The following CNOT2 variants were observed in gnomAD, a reference collection of about 807,000 sequenced individuals.
The protein encoded by CNOT2 is CCR4-NOT transcription complex subunit 2.
In CNOT2, 7 loss-of-function variants were observed where a neutral mutation model predicts 72.1. The observed-to-expected ratio is 0.10, with a 90% CI of 0.06 to 0.18. The LOEUF is 0.18. Among genes scored for constraint, CNOT2 ranks in the 10% least tolerant of loss-of-function variants. The pLI, the probability that CNOT2 is intolerant of heterozygous loss-of-function variation, is 1.00. For missense variants in CNOT2, 345 were observed against 660.3 expected (o/e 0.52, Z 5.23); for synonymous variants, 196 against 225.6 (o/e 0.87, Z 1.17).
chr12:70,352,255 G>GT (rs376559197), intron 15 of CNOT2, among the ~76,000 whole-genome samples: 152,324 of 152,332 alleles, frequency 1, 76,158 homozygotes, highest in Middle Eastern at 1. Context: ...GCCGCTTACT[G>GT]ATGACTTGTC....
chr12:70,338,132 A>T, intron 9 of CNOT2: 1 of 237,362 alleles, frequency 4.2e-6, no homozygotes, highest in Non-Finnish European at 8.1e-6. Context: ...GTGTAACTTC[A>T]AGTGTATCCC....
chr12:70,323,656 C>T (rs752277487), intron 4 of CNOT2: 1 of 151,746 alleles, frequency 6.6e-6, no homozygotes, highest in Admixed American at 6.6e-5. Flanking sequence ...GAATGGCCTA[C>T]TTTATCAAGA....
chr12:70,256,582 T>TAAAA (rs372870920), intron 1 of CNOT2, among the ~76,000 whole-genome samples: 95 of 108,414 alleles, frequency 8.8e-4, no homozygotes, highest in Non-Finnish European at 1.1e-3. Context: ...GACCTGTGGG[T>TAAAA]AAAAAAAAAA....
intron 3 of CNOT2, among the ~76,000 whole-genome samples, chr12:70,316,305 ATT>A (rs890885060): frequency 6.6e-6 from 1 of 152,138 alleles, no homozygotes; most frequent in Non-Finnish European, 1.5e-5. Context: ...AAATATATAC[ATT>A]TTGTTTTCTG....
intron 6 of CNOT2, 53 bp downstream of exon 6, chr12:70,330,522 T>A (rs1296574146): frequency 7.6e-7 from 1 of 1,314,438 alleles, no homozygotes; most frequent in African/African-American, 1.5e-5. Flanking sequence ...ATACTCAGAT[T>A]TGCCTTTTCA....
At chr12:70,272,338 T>C (rs1035852560) in intron 1 of CNOT2, among the ~76,000 whole-genome samples, 1 of 152,134 alleles carries the variant, frequency 6.6e-6, no homozygotes, top group South Asian at 2.1e-4. Context: ...TGAAGGCCTT[T>C]CTGAAAAGAG....
intron 11 of CNOT2, 65 bp from the exon 12 acceptor site, chr12:70,342,042 C>A (rs1376450213): frequency 9.8e-7 from 1 of 1,024,128 alleles, no homozygotes. Context: ...CTTTGTTTTT[C>A]CTGAAATAAA....
chr12:70,252,045 C>T (rs1234919182), intron 1 of CNOT2, among the ~76,000 whole-genome samples: 2 of 152,114 alleles, frequency 1.3e-5, no homozygotes. Flanking sequence ...GTGTGTTTCT[C>T]AAAATATATA....
chr12:70,254,865 G>A (rs573661120), intron 1 of CNOT2, among the ~76,000 whole-genome samples: 22 of 151,612 alleles, frequency 1.5e-4, no homozygotes, highest in Admixed American at 1.4e-3. Flanking sequence ...TCTCTAATCC[G>A]AGATGCTTGG....
chr12:70,332,242 A>G (rs1308465260), intron 6 of CNOT2, among the ~76,000 whole-genome samples: 2 of 151,822 alleles, frequency 1.3e-5, no homozygotes, highest in African/African-American at 2.4e-5. Context: ...GGCAGAAGAC[A>G]CAGAGAGGAG....
At chr12:70,304,782 C>T (rs915171921) in intron 2 of CNOT2, among the ~76,000 whole-genome samples, 1 of 152,244 alleles carries the variant, frequency 6.6e-6, no homozygotes, top group Non-Finnish European at 1.5e-5. Context: ...GTGGAGCCTA[C>T]AGAGGCAGGC....
At chr12:70,320,153 G>A (rs1025652541) in intron 4 of CNOT2, among the ~76,000 whole-genome samples, 3 of 151,530 alleles carry the variant, frequency 2.0e-5, no homozygotes, top group African/African-American at 7.3e-5. Context: ...GTTAATAGAA[G>A]AAGGGAATTA....
intron 2 of CNOT2, among the ~76,000 whole-genome samples, chr12:70,284,197 C>T (rs1056521839): frequency 3.3e-5 from 5 of 150,588 alleles, no homozygotes; most frequent in African/African-American, 9.8e-5. Context: ...CCATCTGCCT[C>T]GACCTCCCAA....
At chr12:70,342,437 TG>T in intron 13 of CNOT2, 130 bp downstream of exon 13, 1 of 1,033,844 alleles carries the variant, frequency 9.7e-7, no homozygotes, top group Non-Finnish European at 1.4e-6. Flanking sequence ...CATATGTCCA[TG>T]TTAACTTGTT....
In CNOT2 at chr12:70,353,913, T is replaced by TAAAAAAAAAAAA; in HGVS notation, c.*12_*23dup. The TAAAAAAAAAAAA allele has an allele frequency of 7.8e-7, 1 of 1,274,548 alleles. No homozygotes were observed. The highest frequency in any genetic ancestry group is 9.9e-7 in the Non-Finnish European group (1 of 1,009,126). 79.0% of individuals were successfully genotyped at this position (1,274,548 alleles called of 1,614,324 possible). A position where few individuals can be genotyped will look rare whatever the true frequency, so the allele number is the denominator to read the frequency against. On this transcript the variant is annotated inframe_insertion and stop_retained_variant, in exon 16 of 16. Transcript: ENST00000229195. ...CTACAACCCTGCTCAGCAAGCCTTCTAAAAAAAAAAAAAAAAAAAAAAAAA... is the reference window on the plus strand; with the variant it reads ...CTACAACCCTGCTCAGCAAGCCTTCTAAAAAAAAAAAAAAAAAAAAAAAAAAAAAAAAAAAAA...
intron 2 of CNOT2, among the ~76,000 whole-genome samples, chr12:70,294,710 C>T (rs904932884): frequency 2.6e-5 from 4 of 152,230 alleles, no homozygotes; most frequent in South Asian, 4.1e-4. Context: ...TAGTTTTCTT[C>T]CACTAGCTTT....
intron 11 of CNOT2, among the ~76,000 whole-genome samples, chr12:70,340,107 C>G (rs539684216): frequency 6.6e-6 from 1 of 152,242 alleles, no homozygotes; most frequent in East Asian, 1.9e-4. Flanking sequence ...TCCATTTCTC[C>G]GACTTGGTCT....
At chr12:70,258,309 G>A (rs748867669) in intron 1 of CNOT2, among the ~76,000 whole-genome samples, 2 of 151,908 alleles carry the variant, frequency 1.3e-5, no homozygotes, top group African/African-American at 4.8e-5. Flanking sequence ...ATAAACTTAC[G>A]GTGAAAAAGT....
intron 7 of CNOT2, chr12:70,334,994 T>C (rs774532720): frequency 6.4e-6 from 1 of 155,584 alleles, no homozygotes; most frequent in Non-Finnish European, 1.4e-5. Flanking sequence ...AGCTATATCT[T>C]TCTGGCCATT....
Sources: gnomAD v4.1 joint callset for allele counts (sites outside exome capture counted in the v4.1 genomes callset) on GRCh38, gnomAD v4.1.1 for gene constraint, MANE v1.5 for transcripts, NCBI Gene and HGNC (gene_info 2026-07-23, HGNC 2026-07-21) for gene names.